IQSEC1: variants seen among roughly 807,000 people sequenced by gnomAD.
IQSEC1 encodes the protein IQ motif and Sec7 domain ArfGEF 1.
A neutral mutation model predicts 91.0 loss-of-function variants in IQSEC1; 31 were observed. The ratio of observed to expected loss-of-function variants is 0.34; its 90% CI spans 0.26 to 0.46. The LOEUF (loss-of-function observed/expected upper bound fraction) is 0.46. Among genes scored for constraint, IQSEC1 ranks in the 20% least tolerant of loss-of-function variants. The pLI is 1.00. For synonymous variants in IQSEC1, 699 were observed against 662.6 expected (o/e 1.05, Z -0.84); for missense variants, 1,388 against 1,575.6 (o/e 0.88, Z 2.02).
At chr3:12,946,708 A>G (rs1229882261) in intron 1 of IQSEC1, among the ~76,000 whole-genome samples, 1 of 152,198 alleles carries the variant, frequency 6.6e-6, no homozygotes, top group Non-Finnish European at 1.5e-5. Flanking sequence ...TTTGTGGACT[A>G]TAAGATGAAT....
At chr3:13,151,909 C>G (rs138428524) in intron 2 of IQSEC1, among the ~76,000 whole-genome samples, 1 of 151,966 alleles carries the variant, frequency 6.6e-6, no homozygotes, top group East Asian at 1.9e-4. Flanking sequence ...GAGGTTGCAG[C>G]GACCCAAGAT....
chr3:13,052,577 G>C (rs1704730071), intron 1 of IQSEC1, among the ~76,000 whole-genome samples: 1 of 152,186 alleles, frequency 6.6e-6, no homozygotes, highest in African/African-American at 2.4e-5. Flanking sequence ...CCAGATGGTA[G>C]GTCGTATGGT....
At chr3:12,920,642 A>T in intron 5 of IQSEC1, 46 bp from the exon 6 acceptor site, 1 of 1,588,748 alleles carries the variant, frequency 6.3e-7, no homozygotes, top group Non-Finnish European at 8.6e-7. Flanking sequence ...GCAGCAAGTG[A>T]CACGGCCCCT....
At chr3:13,120,455 G>A (rs1706405485) in intron 2 of IQSEC1, among the ~76,000 whole-genome samples, 1 of 152,184 alleles carries the variant, frequency 6.6e-6, no homozygotes, top group Non-Finnish European at 1.5e-5. Flanking sequence ...CCCGCAAGCT[G>A]TGTGCCCTCA....
intron 2 of IQSEC1, among the ~76,000 whole-genome samples, chr3:13,111,238 A>G (rs1706239868): frequency 6.6e-6 from 1 of 152,076 alleles, no homozygotes; most frequent in Non-Finnish European, 1.5e-5. Context: ...GGCTCACCAC[A>G]CCCCACTAGC....
Position 13,207,118 on chromosome 3 carries a change from C to G in IQSEC1, c.273-42985G>C, listed in dbSNP as rs1253892411. On this transcript the variant is annotated intron_variant, in intron 1 of 15. Coordinates refer to the IQSEC1 transcript ENST00000648114. This position sits in a 1 kb window ranked among gnomAD's most constrained non-coding sequence, Gnocchi z 4.8. ...TTGCTGGCCCTGACAATTTCTACTA[C>G]TGCATCGTGGGACCACCCAACTTGT... 6.6e-6 allele frequency among the ~76,000 whole-genome samples: 1 copy of G among 152,130 alleles called. No individual in the cohort carries two copies. The highest frequency in any genetic ancestry group is 1.5e-5 in the Non-Finnish European group (1 of 68,034).
chr3:13,088,662 A>G (rs911402010), intron 2 of IQSEC1, among the ~76,000 whole-genome samples: 5 of 151,988 alleles, frequency 3.3e-5, no homozygotes, highest in Non-Finnish European at 7.4e-5. Flanking sequence ...CTCAGAATAA[A>G]AACCCCAATC....
intron 3 of IQSEC1, among the ~76,000 whole-genome samples, chr3:12,931,484 G>T (rs553087830): frequency 6.6e-6 from 1 of 152,148 alleles, no homozygotes; most frequent in Admixed American, 6.5e-5. Context: ...GACAATAGGC[G>T]GAAGGTGTTC....
chr3:12,923,887 C>T (rs1696864395), intron 4 of IQSEC1, among the ~76,000 whole-genome samples: 1 of 152,248 alleles, frequency 6.6e-6, no homozygotes. Flanking sequence ...CTTCCTGGCC[C>T]ACCCTTCTGG....
intron 1 of IQSEC1, among the ~76,000 whole-genome samples, chr3:12,948,747 C>G (rs905946571): frequency 1.7e-4 from 26 of 152,280 alleles, no homozygotes; most frequent in East Asian, 1.9e-4. Flanking sequence ...GTCTATATGG[C>G]TAGTGATGTT....
rs114829936 is a variant in IQSEC1, at chr3:12,910,308, G to A, written c.2417-874C>T. ...GCAGGCTTGGCTCTTGCCAGCACCC[G>A]GCACCCACGATCTAAGGCCAAGCCC... On this transcript the variant is annotated intron_variant, in intron 10 of 13. Transcript: ENST00000613206. Among the ~76,000 whole-genome samples the A allele has an allele frequency of 8.0e-3, 1,211 of 152,324 alleles. 14 individuals are homozygous for A. The highest frequency in any genetic ancestry group is 0.027 in the African/African-American group (1,111 of 41,562).
intron 1 of IQSEC1, among the ~76,000 whole-genome samples, chr3:12,963,985 A>G (rs942633429): frequency 2.0e-5 from 3 of 152,228 alleles, no homozygotes; most frequent in Non-Finnish European, 4.4e-5. Flanking sequence ...TATGTCCGCC[A>G]TGAGGCCAGG....
intron 2 of IQSEC1, among the ~76,000 whole-genome samples, chr3:13,093,017 C>G (rs1225336329): frequency 6.6e-6 from 1 of 152,106 alleles, no homozygotes; most frequent in African/African-American, 2.4e-5. Flanking sequence ...CCTCAGGGTC[C>G]TATCTCTGTG....
rs1241838041 is a variant in IQSEC1, at chr3:12,920,432, C to T, written c.2018G>A (p.Arg673Gln). ...MKLEDFIKNL[R>Q]GVDDGEDIPR... Reference sequence around the variant, plus strand: ...GCCGACCGCCTGAGACAGCTCACCTCGGAGGTTCTTGATGAAGTCCTCTAG... The same window carrying T: ...GCCGACCGCCTGAGACAGCTCACCTTGGAGGTTCTTGATGAAGTCCTCTAG... The change falls in exon 6 of 14, where the codon CGA becomes CAA. Residue 673 changes from arginine to glutamine, a missense_variant and splice_region_variant. By Grantham distance (43) the Arg-to-Gln change is conservative (BLOSUM62 1). Coordinates refer to ENST00000613206, the MANE Select transcript of IQSEC1 (RefSeq NM_001134382.3). 1.2e-6 allele frequency: 2 copies of T among 1,613,876 alleles called. No individual in the cohort carries two copies. Among genetic ancestry groups the T allele is most frequent in the Non-Finnish European group, 8.5e-7 (1 of 1,179,802 alleles).
At chr3:13,050,621 C>G (rs1465050936) in intron 1 of IQSEC1, among the ~76,000 whole-genome samples, 1 of 152,248 alleles carries the variant, frequency 6.6e-6, no homozygotes, top group African/African-American at 2.4e-5. Context: ...CAAATCCCAG[C>G]TATGCCACCT....
rs761250284 is a variant in IQSEC1 at position 12,908,374 on chromosome 3, G to A, written c.2730C>T (p.Ser910=). Reference sequence around the variant, plus strand: ...CGGCTTCCGAGAGGTCCCGCAGGGAGCTGCTGAGGGCGCTGCGCTTGAGGC... The same window carrying A: ...CGGCTTCCGAGAGGTCCCGCAGGGAACTGCTGAGGGCGCTGCGCTTGAGGC... ...GEGLKRSALS[S]SLRDLSEAGK... Residue 910 remains serine, a synonymous_variant, in exon 12 of 14, where the codon AGC becomes AGT. Coordinates refer to ENST00000613206, the MANE Select transcript of IQSEC1 (RefSeq NM_001134382.3). The surrounding 1 kb of genome is among the most constrained non-coding windows in gnomAD (Gnocchi z 4.9). 1 of 1,612,220 alleles carries A rather than the reference G, an allele frequency of 6.2e-7. No individual in the cohort carries two copies. Among genetic ancestry groups the A allele is most frequent in the African/African-American group, 1.3e-5 (1 of 75,036 alleles).
chr3:12,927,949 G>A (rs578152943), intron 3 of IQSEC1, among the ~76,000 whole-genome samples: 33 of 152,314 alleles, frequency 2.2e-4, no homozygotes, highest in African/African-American at 6.7e-4. Context: ...GTAGTGGGGC[G>A]GTGGGCAGAC....
chr3:13,229,827 C>T (rs541613191), intron 1 of IQSEC1, among the ~76,000 whole-genome samples: 12 of 152,328 alleles, frequency 7.9e-5, no homozygotes, highest in Middle Eastern at 3.4e-3. Flanking sequence ...CACACCACTT[C>T]CTAGCTGTGT....
At chr3:13,115,183 G>A (rs1706315116) in intron 2 of IQSEC1, among the ~76,000 whole-genome samples, 1 of 152,232 alleles carries the variant, frequency 6.6e-6, no homozygotes, top group African/African-American at 2.4e-5. Context: ...CGCCCAGGGA[G>A]TCTGGCTCTT....
Sources: allele counts gnomAD v4.1 joint callset (sites outside exome capture counted in the v4.1 genomes callset), GRCh38; gene constraint gnomAD v4.1.1; non-coding constraint Gnocchi (gnomAD v3.1); transcripts MANE v1.5; gene names NCBI Gene and HGNC (gene_info 2026-07-23, HGNC 2026-07-21).